Variants in VPS13B observed in about 807,000 individuals in gnomAD.
VPS13B encodes the protein intermembrane lipid transfer protein VPS13B.
VPS13B carries 285 observed loss-of-function variants against 426.4 expected under a neutral mutation model. The observed-to-expected ratio is 0.67, with a 90% CI of 0.61 to 0.74. VPS13B has a LOEUF of 0.74. Among genes scored for constraint, VPS13B ranks in the 30% least tolerant of loss-of-function variants. The pLI is 0.00. For missense variants in VPS13B, 4,537 were observed against 4,782.6 expected (o/e 0.95, Z 1.51); for synonymous variants, 1,676 against 1,676.4 (o/e 1.00, Z 0.01).
Position 99,156,576 on chromosome 8 carries a change from A to G in VPS13B, c.2041A>G (p.Asn681Asp). The G allele has an allele frequency of 1.2e-6, 2 of 1,614,070 alleles. No individual in the cohort carries two copies. Among genetic ancestry groups the G allele is most frequent in the African/African-American group, 1.3e-5 (1 of 75,070 alleles). ...CTCAAGTAACTTCATGAATACTACA[A>G]ACTTCCAGTCTCTTCGGCCTTTGCC... ...KNSSNFMNTT[N>D]FQSLRPLPSI... The change falls in exon 15 of 62, where the codon AAC (asparagine) becomes GAC (aspartate). Residue 681 changes from asparagine to aspartate, a missense_variant. Asn to Asp is a conservative substitution (Grantham distance 23, BLOSUM62 1). This residue lies in a region of VPS13B where 4,311 missense variants were observed against 4,474.3 expected (regional missense o/e 0.96). Transcript: ENST00000357162.
At chr8:99,555,113 G>A (rs1188574232) in intron 30 of VPS13B, among the ~76,000 whole-genome samples, 1 of 152,042 alleles carries the variant, frequency 6.6e-6, no homozygotes, top group Non-Finnish European at 1.5e-5. Context: ...TGAGCCACTT[G>A]CTTATTCCAC....
At position 99,721,006 on chromosome 8, in the gene VPS13B, G is replaced by A; in HGVS notation, c.7009G>A (p.Asp2337Asn). ...ITPVPFNTTE[D>N]PDISTADLGD... ...TCCTGTACCTTTTAACACCACAGAG[G>A]ATCCAGATATTAGCACAGCAGACCT... The change falls in exon 39 of 62, where the codon GAT (aspartate) becomes AAT (asparagine). Residue 2337 changes from aspartate (D) to asparagine (N), a missense_variant. Physicochemically the swap from Asp to Asn is conservative, Grantham distance 23 (BLOSUM62 1). This residue lies in a region of VPS13B where 4,311 missense variants were observed against 4,474.3 expected (regional missense o/e 0.96). Transcript: ENST00000357162. 1 of 1,614,008 alleles carries A rather than the reference G, an allele frequency of 6.2e-7. No homozygotes were observed. The highest frequency in any genetic ancestry group is 1.1e-5 in the South Asian group (1 of 91,074).
At position 99,577,591 on chromosome 8, in the gene VPS13B, A is replaced by G. The variant is rs761688743; in HGVS notation, c.5178A>G (p.Val1726=). ...TTCAACTCTTACATCAGTTAATAGT[A>G]GCAAATATGACTGGACTGGAACCAT... ...AQVQLLHQLI[V]ANMTGLEPSN... The change falls in exon 33 of 62, where the codon GTA becomes GTG. Residue 1726 remains valine, a synonymous_variant. Transcript: ENST00000357162. The G allele has an allele frequency of 4.3e-6, 7 of 1,613,878 alleles. No homozygotes were observed. The highest frequency in any genetic ancestry group is 1.6e-4 in the Middle Eastern group (1 of 6,062).
intron 2 of VPS13B, among the ~76,000 whole-genome samples, chr8:99,036,286 CT>C (rs1842742173): frequency 6.6e-6 from 1 of 152,062 alleles, no homozygotes; most frequent in Non-Finnish European, 1.5e-5. Flanking sequence ...AAATTCTTTG[CT>C]ACTAATATCC....
rs796919366 is a variant in VPS13B, at chr8:99,087,615, G to GTT, written c.292-8683_292-8682dup. Reference sequence around the variant, plus strand: ...TCTTGGCTCCACCCACTGTTTTTTTGTTTTTTTTTTTTTTTATAGACTGGG... The same window carrying GTT: ...TCTTGGCTCCACCCACTGTTTTTTTGTTTTTTTTTTTTTTTTTATAGACTGGG... On this transcript the variant is annotated intron_variant, in intron 3 of 61. Coordinates refer to ENST00000357162, the MANE Select transcript of VPS13B (RefSeq NM_152564.5). 8.2e-4 allele frequency among the ~76,000 whole-genome samples: 106 copies of GTT among 129,146 alleles called. 1 individual carries two copies. Among genetic ancestry groups the GTT allele is most frequent in the African/African-American group, 2.2e-3 (77 of 35,342 alleles). The allele number at this position is 129,146 out of a possible 152,430, so 84.7% of individuals were successfully genotyped here.
At chr8:99,107,025 T>C (rs369068703) in intron 5 of VPS13B, among the ~76,000 whole-genome samples, 1 of 152,192 alleles carries the variant, frequency 6.6e-6, no homozygotes, top group Admixed American at 6.5e-5. Context: ...TACATACATT[T>C]CTGTTGGGTA....
intron 17 of VPS13B, among the ~76,000 whole-genome samples, chr8:99,243,127 C>G (rs1817019576): frequency 6.6e-6 from 1 of 152,228 alleles, no homozygotes; most frequent in Non-Finnish European, 1.5e-5. Context: ...GAAACCACAT[C>G]TCCCAGTGGT....
chr8:99,409,866 C>G (rs1815534284), intron 21 of VPS13B, among the ~76,000 whole-genome samples: 1 of 152,176 alleles, frequency 6.6e-6, no homozygotes, highest in Non-Finnish European at 1.5e-5. Flanking sequence ...CACTCTCTTC[C>G]TCTTCCAATT....
chr8:99,633,836 T>TGTGTGTGTGTGTGC (rs1432874227), intron 33 of VPS13B, among the ~76,000 whole-genome samples: 2 of 151,334 alleles, frequency 1.3e-5, no homozygotes, highest in African/African-American at 4.9e-5. Context: ...TGTGTGTGTG[T>TGTGTGTGTGTGTGC]GTGCGTGTTT....
chr8:99,699,951 G>C lies in VPS13B; in HGVS notation c.6454+19G>C. On this transcript the variant is annotated intron_variant, in intron 36 of 61. Coordinates refer to ENST00000357162, the MANE Select transcript of VPS13B (RefSeq NM_152564.5). ...GTACCTGGTAAGTCACAGAAAAGGGGAGGGGGGAGACAGAACAAGTAAGAT... is the reference window on the plus strand; with the variant it reads ...GTACCTGGTAAGTCACAGAAAAGGGCAGGGGGGAGACAGAACAAGTAAGAT... 6.2e-7 allele frequency: 1 copy of C among 1,612,910 alleles called. No individual in the cohort carries two copies. The highest frequency in any genetic ancestry group is 8.5e-7 in the Non-Finnish European group (1 of 1,179,584).
At chr8:99,063,862 G>A (rs1449057134) in intron 3 of VPS13B, among the ~76,000 whole-genome samples, 6 of 152,116 alleles carry the variant, frequency 3.9e-5, no homozygotes, top group African/African-American at 9.7e-5. Context: ...CCTCTGGGAC[G>A]GAGCTTCCAG....
At chr8:99,531,134 C>T (rs1454460604) in intron 30 of VPS13B, among the ~76,000 whole-genome samples, 3 of 152,122 alleles carry the variant, frequency 2.0e-5, no homozygotes, top group Admixed American at 6.5e-5. Context: ...AATATTATAA[C>T]CTTCAAACCA....
intron 17 of VPS13B, among the ~76,000 whole-genome samples, chr8:99,205,464 T>A (rs1588139778): frequency 6.6e-6 from 1 of 152,274 alleles, no homozygotes; most frequent in East Asian, 1.9e-4. Context: ...GTAACAAACC[T>A]GCATGTTCTA....
At chr8:99,815,766 T>C (rs1813998429) in intron 44 of VPS13B, among the ~76,000 whole-genome samples, 1 of 152,230 alleles carries the variant, frequency 6.6e-6, no homozygotes, top group Admixed American at 6.5e-5. Flanking sequence ...GGATTTGCTT[T>C]GTGAAAGAAT....
intron 3 of VPS13B, chr8:99,094,107 T>C (rs1471215287): frequency 1.3e-5 from 2 of 152,208 alleles, no homozygotes; most frequent in African/African-American, 4.8e-5. Flanking sequence ...GGCTGGAATG[T>C]TTATTATGAC....
At chr8:99,664,466 CT>C (rs1200305673) in intron 35 of VPS13B, among the ~76,000 whole-genome samples, 2 of 152,164 alleles carry the variant, frequency 1.3e-5, no homozygotes, top group South Asian at 2.1e-4. Context: ...ATCCCTCCCC[CT>C]GACCCCCACC....
chr8:99,490,787 T>C (rs1040432128), intron 25 of VPS13B, among the ~76,000 whole-genome samples: 1 of 152,176 alleles, frequency 6.6e-6, no homozygotes, highest in African/African-American at 2.4e-5. Flanking sequence ...TTGATTCTTC[T>C]CTCTTTTCTT....
chr8:99,616,375 A>G (rs938497869), intron 33 of VPS13B, among the ~76,000 whole-genome samples: 1 of 152,236 alleles, frequency 6.6e-6, no homozygotes, highest in Non-Finnish European at 1.5e-5. Flanking sequence ...TGAAGAGCAG[A>G]GAGAAGGAAA....
In VPS13B at chr8:99,575,122, C is replaced by T. The variant is rs755907097; in HGVS notation, c.4950-536C>T. Among the ~76,000 whole-genome samples, 10 of 152,024 alleles carry T rather than the reference C, an allele frequency of 6.6e-5. 1 individual carries two copies. The highest frequency in any genetic ancestry group is 1.2e-4 in the Non-Finnish European group (8 of 68,006). On this transcript the variant is annotated intron_variant, in intron 31 of 61. Coordinates refer to ENST00000357162, the MANE Select transcript of VPS13B (RefSeq NM_152564.5). ...TTGAGGCTACAGTGAGCCATGATTGCACCACTGCACTCCAGCCTAGGTGAC... is the reference window on the plus strand; with the variant it reads ...TTGAGGCTACAGTGAGCCATGATTGTACCACTGCACTCCAGCCTAGGTGAC...
Sources: gnomAD v4.1 joint callset for allele counts (sites outside exome capture counted in the v4.1 genomes callset) on GRCh38, gnomAD v4.1.1 for gene constraint, gnomAD v4.1.1 regional missense constraint, MANE v1.5 for transcripts, NCBI Gene and HGNC (gene_info 2026-07-23, HGNC 2026-07-21) for gene names.